CIP2A: variants seen among roughly 807,000 people sequenced by gnomAD.
CIP2A encodes protein CIP2A.
In CIP2A, 103 loss-of-function variants were observed where a neutral mutation model predicts 110.9. The observed-to-expected ratio is 0.93, with a 90% CI of 0.79 to 1.09. The LOEUF is 1.09. Among genes scored for constraint, CIP2A ranks in the 50% least tolerant of loss-of-function variants. The pLI is 0.00. For missense variants in CIP2A, 1,088 were observed against 1,038.4 expected (o/e 1.05, Z -0.66); for synonymous variants, 381 against 361.6 (o/e 1.05, Z -0.61).
At chr3:108,564,978 T>C (rs1248245671) in intron 12 of CIP2A, among the ~76,000 whole-genome samples, 1 of 151,724 alleles carries the variant, frequency 6.6e-6, no homozygotes, top group Non-Finnish European at 1.5e-5. Flanking sequence ...TGTCTCCCTA[T>C]CCCCTTAATA....
chr3:108,580,663 T>A (rs1447343534), intron 5 of CIP2A, among the ~76,000 whole-genome samples: 1 of 151,900 alleles, frequency 6.6e-6, no homozygotes, highest in African/African-American at 2.4e-5. Context: ...GGAGTCTTAC[T>A]CTGTTGCCAG....
intron 8 of CIP2A, among the ~76,000 whole-genome samples, chr3:108,574,255 G>T (rs527945233): frequency 2.0e-5 from 3 of 152,072 alleles, no homozygotes; most frequent in South Asian, 2.1e-4. Flanking sequence ...TATGTAAAAT[G>T]ATATTTTTAT....
intron 10 of CIP2A, among the ~76,000 whole-genome samples, chr3:108,567,736 A>G (rs942680494): frequency 1.3e-5 from 2 of 151,918 alleles, no homozygotes; most frequent in Admixed American, 1.3e-4. Flanking sequence ...TGACAACTCT[A>G]TCAGCATTTC....
chr3:108,579,089 TG>T (rs1183505376), intron 7 of CIP2A, among the ~76,000 whole-genome samples, 191 bp downstream of exon 7: 1 of 152,078 alleles, frequency 6.6e-6, no homozygotes, highest in African/African-American at 2.4e-5. Flanking sequence ...ACATAGACAA[TG>T]ACCTGTTATA....
rs530643707 is a variant in CIP2A, at chr3:108,557,643, T to C, written c.2014-229A>G. On this transcript the variant is annotated intron_variant, in intron 16 of 20. Transcript: ENST00000295746. Reference sequence around the variant, plus strand: ...TAAAAACAATCTCACTATGATCAAATTAATGGAAATGGATACAACTGCAGC... The same window carrying C: ...TAAAAACAATCTCACTATGATCAAACTAATGGAAATGGATACAACTGCAGC... Among the ~76,000 whole-genome samples the C allele has an allele frequency of 1.1e-4, 16 of 152,186 alleles. 1 individual carries two copies. Among genetic ancestry groups the C allele is most frequent in the Admixed American group, 6.6e-4 (10 of 15,246 alleles).
At chr3:108,574,311 T>G (rs978342839) in intron 8 of CIP2A, among the ~76,000 whole-genome samples, 2 of 152,186 alleles carry the variant, frequency 1.3e-5, no homozygotes, top group Non-Finnish European at 2.9e-5. Context: ...TACTACTGTA[T>G]AGACATTAGA....
intron 8 of CIP2A, 81 bp from the exon 9 acceptor site, chr3:108,569,688 T>C: frequency 9.9e-7 from 1 of 1,014,696 alleles, no homozygotes; most frequent in Admixed American, 2.4e-5. Flanking sequence ...AAGCTGAAAA[T>C]GCTACATATT....
Position 108,563,119 on chromosome 3 carries a change from A to C in CIP2A, c.1634+7T>G, listed in dbSNP as rs1938063090. On this transcript the variant is annotated splice_region_variant and intron_variant, in intron 13 of 20. Coordinates refer to ENST00000295746, the MANE Select transcript of CIP2A (RefSeq NM_020890.3). ...CAAGAGATACACTGCAAATGATTAC[A>C]ACTCACACTAAAGCAGGAAAATCTG... The C allele has an allele frequency of 2.6e-6, 4 of 1,550,266 alleles. No homozygotes were observed. The East Asian group carries it at 9.0e-5, about 35-fold the overall frequency.
rs1225515272 is a variant in CIP2A, at chr3:108,575,273, C to CACACACACGTGTACGT, written c.894+982_894+997dup. Among the ~76,000 whole-genome samples, 160 of 150,566 alleles carry CACACACACGTGTACGT rather than the reference C, an allele frequency of 1.1e-3. 1 individual carries two copies. The highest frequency in any genetic ancestry group is 3.2e-3 in the African/African-American group (130 of 40,736). ...AAATATATATGTACATGTGTATATA[C>CACACACACGTGTACGT]ACACACACGTGTACGTACACACACG... On this transcript the variant is annotated intron_variant, in intron 8 of 20. Coordinates refer to ENST00000295746, the MANE Select transcript of CIP2A (RefSeq NM_020890.3).
At chr3:108,558,693 G>A (rs913876929) in intron 16 of CIP2A, among the ~76,000 whole-genome samples, 10 of 152,162 alleles carry the variant, frequency 6.6e-5, no homozygotes, top group African/African-American at 2.4e-4. Context: ...TCTGGGTAAT[G>A]AGGATATTTT....
chr3:108,569,324 T>C (rs1938304314), intron 9 of CIP2A, 65 bp downstream of exon 9: 1 of 1,169,794 alleles, frequency 8.5e-7, no homozygotes, highest in Non-Finnish European at 1.3e-6. Context: ...AGAATGTTTT[T>C]GAAGACAAAT....
At chr3:108,554,300 C>A in intron 18 of CIP2A, 76 bp downstream of exon 18, 2 of 576,972 alleles carry the variant, frequency 3.5e-6, no homozygotes, top group Non-Finnish European at 6.1e-6. Context: ...CAATAAAAAA[C>A]AATGTTCTAT....
intron 5 of CIP2A, among the ~76,000 whole-genome samples, chr3:108,581,080 C>T (rs1004294486): frequency 5.3e-5 from 8 of 152,188 alleles, no homozygotes; most frequent in South Asian, 2.1e-4. Context: ...ATAAATGGGA[C>T]TGCCAGTGAT....
Position 108,568,315 on chromosome 3 carries a change from C to T in CIP2A, c.1114-1G>A. On this transcript the variant is annotated splice_acceptor_variant, in intron 9 of 20. Coordinates refer to ENST00000295746, the MANE Select transcript of CIP2A (RefSeq NM_020890.3). LOFTEE classifies it high-confidence loss of function. The stretch of plus-strand genomic sequence containing the variant: ...AACAGTTAGCAGCATCTATGACATC[C>T]TGGAGAATTATCCATCACAAATGAT... 6.2e-7 allele frequency: 1 copy of T among 1,610,520 alleles called. No individual in the cohort carries two copies.
At chr3:108,572,938 A>C (rs1938449025) in intron 8 of CIP2A, among the ~76,000 whole-genome samples, 1 of 152,078 alleles carries the variant, frequency 6.6e-6, no homozygotes. Context: ...ATAATGCAGT[A>C]GATTTTTGGT....
intron 12 of CIP2A, among the ~76,000 whole-genome samples, chr3:108,564,232 T>C (rs1263620790): frequency 6.6e-6 from 1 of 151,420 alleles, no homozygotes; most frequent in African/African-American, 2.4e-5. Context: ...TCGAGAGAGG[T>C]GAAATAACTT....
At position 108,569,582 on chromosome 3, in the gene CIP2A, C is replaced by T. The variant is rs757630085; in HGVS notation, c.920G>A (p.Cys307Tyr). The stretch of plus-strand genomic sequence containing the variant: ...CATATGGCGCAGCTGAGTCACTGAA[C>T]AGAAGGCAAGAAGTAATTCTAAAAC... The part of the protein sequence containing the change: ...SKVLELLLAF[C>Y]SVTQLRHMLT... Residue 307 changes from cysteine (C) to tyrosine (Y), a missense_variant, in exon 9 of 21, where the codon TGT (cysteine) becomes TAT (tyrosine). Coordinates refer to ENST00000295746, the MANE Select transcript of CIP2A (RefSeq NM_020890.3). 18 of 1,612,290 alleles carry T rather than the reference C, an allele frequency of 1.1e-5. No homozygotes were observed. Among genetic ancestry groups the T allele is most frequent in the Non-Finnish European group, 1.4e-5 (17 of 1,179,080 alleles).
chr3:108,575,007 G>A (rs1191673151), intron 8 of CIP2A: 2 of 152,314 alleles, frequency 1.3e-5, no homozygotes, highest in Non-Finnish European at 2.9e-5. Context: ...ATGGTTGTGA[G>A]GTCAAAAACA....
At chr3:108,560,886 G>A in intron 13 of CIP2A, 45 bp from the exon 14 acceptor site, 1 of 1,358,864 alleles carries the variant, frequency 7.4e-7, no homozygotes, top group Non-Finnish European at 9.9e-7. Flanking sequence ...TACGAAAATA[G>A]AAGAAAAGGC....
Sources: gnomAD v4.1 joint callset for allele counts (sites outside exome capture counted in the v4.1 genomes callset) on GRCh38, gnomAD v4.1.1 for gene constraint, MANE v1.5 for transcripts, NCBI Gene and HGNC (gene_info 2026-07-23, HGNC 2026-07-21) for gene names.